The following KCNIP4 variants were observed in gnomAD, a reference collection of about 807,000 sequenced individuals.
KCNIP4 encodes the protein Kv channel-interacting protein 4.
A neutral mutation model predicts 34.0 loss-of-function variants in KCNIP4; 12 were observed. The observed-to-expected ratio is 0.35, with a 90% CI of 0.23 to 0.57. The LOEUF (loss-of-function observed/expected upper bound fraction) is 0.57, where lower values mean the gene tolerates loss of function less well. KCNIP4 is among the 20% of genes least tolerant of loss of function. The pLI is 0.83. For missense variants in KCNIP4, 238 were observed against 311.7 expected, an observed-to-expected ratio of 0.76 and a Z score of 1.78; for synonymous variants, 124 against 102.2, an observed-to-expected ratio of 1.21 and a Z score of -1.29.
intron 1 of KCNIP4, among the ~76,000 whole-genome samples, chr4:21,102,625 T>G (rs571654808): frequency 6.6e-6 from 1 of 152,230 alleles, no homozygotes; most frequent in Non-Finnish European, 1.5e-5. Flanking sequence ...TTTTAATTGA[T>G]ATACAAAATA....
intron 1 of KCNIP4, among the ~76,000 whole-genome samples, chr4:21,013,318 G>A (rs1195185646): frequency 6.6e-6 from 1 of 152,122 alleles, no homozygotes; most frequent in Non-Finnish European, 1.5e-5. Flanking sequence ...CAGGGAGGTA[G>A]AGTGGGAACC....
At chr4:21,270,667 C>T (rs1762084650) in intron 1 of KCNIP4, among the ~76,000 whole-genome samples, 1 of 151,984 alleles carries the variant, frequency 6.6e-6, no homozygotes, top group Non-Finnish European at 1.5e-5. Flanking sequence ...TTTTTTCCAG[C>T]ACTTGGAAGA....
chr4:21,773,767 G>GTTTTTTTTT (rs373554454), intron 1 of KCNIP4, among the ~76,000 whole-genome samples: 1 of 138,282 alleles, frequency 7.2e-6, no homozygotes, highest in African/African-American at 3.0e-5. Context: ...TTGTTTGTTT[G>GTTTTTTTTT]TTTTTGTTTT....
At chr4:21,320,964 T>TTAAAAAAAAAA (rs1553860312) in intron 1 of KCNIP4, among the ~76,000 whole-genome samples, 7 of 102,904 alleles carry the variant, frequency 6.8e-5, no homozygotes, top group South Asian at 3.2e-4. Context: ...GAATCTGTCT[T>TTAAAAAAAAAA]AAAAAAAAAA....
intron 1 of KCNIP4, among the ~76,000 whole-genome samples, chr4:21,784,903 T>C (rs73104084): frequency 0.12 from 18,552 of 152,220 alleles, 3,419 homozygotes; most frequent in African/African-American, 0.4. Flanking sequence ...AAAACCTTCA[T>C]GACCAAGTGT....
chr4:21,397,371 T>A (rs1286477067), intron 1 of KCNIP4, among the ~76,000 whole-genome samples: 2 of 152,170 alleles, frequency 1.3e-5, no homozygotes, highest in Non-Finnish European at 2.9e-5. Context: ...TTTCCATGAA[T>A]AATATCATCA....
At chr4:21,183,101 G>C (rs1754963916) in intron 1 of KCNIP4, among the ~76,000 whole-genome samples, 1 of 152,020 alleles carries the variant, frequency 6.6e-6, no homozygotes, top group African/African-American at 2.4e-5. Context: ...GTGATCTCTT[G>C]CAGCACACGT....
intron 1 of KCNIP4, among the ~76,000 whole-genome samples, chr4:21,600,298 GCTCAAA>G (rs1743004303): frequency 6.6e-6 from 1 of 152,056 alleles, no homozygotes; most frequent in African/African-American, 2.4e-5. Flanking sequence ...GAATGAAGCT[GCTCAAA>G]CTTTCATAAT....
chr4:21,282,457 TGA>T (rs1321034233), intron 1 of KCNIP4, among the ~76,000 whole-genome samples: 5 of 106,670 alleles, frequency 4.7e-5, no homozygotes, highest in Non-Finnish European at 8.9e-5. Context: ...AAAAGATGTG[TGA>T]GTGTGTGTGT....
intron 1 of KCNIP4, among the ~76,000 whole-genome samples, chr4:21,601,802 C>T (rs1338760192): frequency 6.6e-6 from 1 of 152,116 alleles, no homozygotes; most frequent in African/African-American, 2.4e-5. Flanking sequence ...CAGAACCTTC[C>T]TGTAGCTTTT....
At chr4:21,667,145 C>T (rs187874895) in intron 1 of KCNIP4, among the ~76,000 whole-genome samples, 52 of 152,222 alleles carry the variant, frequency 3.4e-4, no homozygotes, top group African/African-American at 1.2e-3. Context: ...ACAATTTTGC[C>T]CATGACATCA....
chr4:21,042,433 C>T (rs1392580529), intron 1 of KCNIP4, among the ~76,000 whole-genome samples: 1 of 152,098 alleles, frequency 6.6e-6, no homozygotes, highest in Non-Finnish European at 1.5e-5. Context: ...ATAAGTCAGA[C>T]ACAGAAAGAC....
chr4:21,713,529 T>C (rs1713909353), intron 1 of KCNIP4, among the ~76,000 whole-genome samples: 1 of 152,232 alleles, frequency 6.6e-6, no homozygotes, highest in African/African-American at 2.4e-5. Flanking sequence ...GCTACCTGCA[T>C]AGAAAGTGTA....
At chr4:21,942,168 A>G (rs533903443) in intron 1 of KCNIP4, among the ~76,000 whole-genome samples, 1 of 152,330 alleles carries the variant, frequency 6.6e-6, no homozygotes, top group Non-Finnish European at 1.5e-5. Context: ...GTGTATATAC[A>G]CTGAATGACA....
At chr4:20,844,674 T>C (rs1283802059) in intron 3 of KCNIP4, among the ~76,000 whole-genome samples, 1 of 152,228 alleles carries the variant, frequency 6.6e-6, no homozygotes, top group East Asian at 1.9e-4. Context: ...ACTTCTCCTC[T>C]TTCCTTTCCC....
intron 1 of KCNIP4, among the ~76,000 whole-genome samples, chr4:21,170,885 T>C (rs553800290): frequency 1.3e-5 from 2 of 152,324 alleles, no homozygotes; most frequent in East Asian, 3.9e-4. Context: ...ACTCCTTGCA[T>C]TAGATGAATC....
intron 1 of KCNIP4, among the ~76,000 whole-genome samples, chr4:21,601,159 T>C (rs1161482398): frequency 2.6e-5 from 4 of 151,872 alleles, no homozygotes; most frequent in East Asian, 3.9e-4. Flanking sequence ...ATCTCCCTCC[T>C]CTCAATTCCT....
chr4:21,553,775 T>C (rs1050817343), intron 1 of KCNIP4, among the ~76,000 whole-genome samples: 8 of 152,142 alleles, frequency 5.3e-5, no homozygotes, highest in African/African-American at 1.7e-4. Context: ...ACCCCCATTG[T>C]TAGCATAAAT....
chr4:21,507,346 C>T (rs1474770141), intron 1 of KCNIP4, among the ~76,000 whole-genome samples: 1 of 151,438 alleles, frequency 6.6e-6, no homozygotes, highest in Non-Finnish European at 1.5e-5. Flanking sequence ...CTCACTGCAA[C>T]CTCCACCTCC....
Sources: allele counts gnomAD v4.1 joint callset (sites outside exome capture counted in the v4.1 genomes callset), GRCh38; gene constraint gnomAD v4.1.1; transcripts MANE v1.5; gene names NCBI Gene and HGNC (gene_info 2026-07-23, HGNC 2026-07-21).